CSMD1: variants seen among roughly 807,000 people sequenced by gnomAD.
CSMD1 encodes CUB and sushi domain-containing protein 1.
In CSMD1, 213 loss-of-function variants were observed where a neutral mutation model predicts 417.5. That is an observed-to-expected ratio of 0.51 (90% CI 0.46 to 0.57). The LOEUF is 0.57. Ranked by LOEUF, CSMD1 falls within the 20% of genes least tolerant of loss-of-function variation. The pLI is 0.00. For synonymous variants in CSMD1, 2,862 were observed against 1,736.8 expected (o/e 1.65, Z -16.11); for missense variants, 6,923 against 4,529.7 (o/e 1.53, Z -15.17).
intron 1 of CSMD1, among the ~76,000 whole-genome samples, chr8:4,711,553 C>G (rs183795974): frequency 1.1e-4 from 16 of 150,654 alleles, no homozygotes; most frequent in Admixed American, 6.6e-4. Flanking sequence ...AGGTTTTCAA[C>G]AAAGGACAGA....
chr8:4,042,430 T>C (rs1797938049), intron 3 of CSMD1, among the ~76,000 whole-genome samples: 1 of 151,956 alleles, frequency 6.6e-6, no homozygotes, highest in African/African-American at 2.4e-5. Context: ...CAACCATCAA[T>C]CTAAATAAAT....
At chr8:3,663,489 C>A (rs890840313) in intron 7 of CSMD1, among the ~76,000 whole-genome samples, 2 of 152,020 alleles carry the variant, frequency 1.3e-5, no homozygotes, top group African/African-American at 4.8e-5. Context: ...GGAAAATGAA[C>A]CTCAGGGCCC....
intron 3 of CSMD1, among the ~76,000 whole-genome samples, chr8:4,272,391 A>G (rs1804659526): frequency 6.6e-6 from 1 of 152,188 alleles, no homozygotes; most frequent in African/African-American, 2.4e-5. Flanking sequence ...CTCAGTTTCC[A>G]AGACCTATAG....
intron 5 of CSMD1, among the ~76,000 whole-genome samples, chr8:3,980,230 G>A (rs143368383): frequency 1.3e-5 from 2 of 152,234 alleles, no homozygotes; most frequent in Non-Finnish European, 2.9e-5. Context: ...TCAACCATTG[G>A]CATAGATGGG....
chr8:3,096,808 G>T (rs1815337800), intron 47 of CSMD1, 41 bp downstream of exon 47: 1 of 1,241,362 alleles, frequency 8.1e-7, no homozygotes, highest in Non-Finnish European at 1.1e-6. Context: ...TTTTATCAAT[G>T]ATGCCGAGGT....
intron 5 of CSMD1, among the ~76,000 whole-genome samples, chr8:3,924,478 G>T (rs1231269209): frequency 6.6e-6 from 1 of 152,052 alleles, no homozygotes; most frequent in Non-Finnish European, 1.5e-5. Flanking sequence ...TTTCTTCTGA[G>T]ACTTCTATGA....
chr8:4,029,718 C>T (rs1472700670), intron 4 of CSMD1, among the ~76,000 whole-genome samples: 1 of 152,146 alleles, frequency 6.6e-6, no homozygotes, highest in African/African-American at 2.4e-5. Flanking sequence ...AACAGTCCCC[C>T]AAAGTCTTAA....
intron 54 of CSMD1, among the ~76,000 whole-genome samples, chr8:2,983,625 G>C (rs568560468): frequency 1.3e-5 from 2 of 152,124 alleles, no homozygotes; most frequent in African/African-American, 2.4e-5. Flanking sequence ...TCCAAAATTT[G>C]GCAAAAAATT....
At chr8:3,786,334 G>C (rs975509903) in intron 5 of CSMD1, among the ~76,000 whole-genome samples, 1 of 152,040 alleles carries the variant, frequency 6.6e-6, no homozygotes, top group Non-Finnish European at 1.5e-5. Context: ...TTGGATGGAG[G>C]GTCACTGAGA....
chr8:4,358,732 C>G lies in CSMD1; in HGVS notation c.415+61221G>C, dbSNP rs76902021. Among the ~76,000 whole-genome samples, 968 of 149,878 alleles carry G rather than the reference C, an allele frequency of 6.5e-3. 11 individuals are homozygous for G. The highest frequency in any genetic ancestry group is 0.022 in the African/African-American group (908 of 41,416). On this transcript the variant is annotated intron_variant, in intron 3 of 69. Coordinates refer to ENST00000635120, the MANE Select transcript of CSMD1 (RefSeq NM_033225.6). Reference sequence around the variant, plus strand: ...GTAGCTTAATCATTAAAATATCTCTCAAGATAAGTGTATATGATTTCAAAA... The same window carrying G: ...GTAGCTTAATCATTAAAATATCTCTGAAGATAAGTGTATATGATTTCAAAA...
chr8:4,136,750 G>A (rs1217584169), intron 3 of CSMD1, among the ~76,000 whole-genome samples: 1 of 152,170 alleles, frequency 6.6e-6, no homozygotes, highest in Non-Finnish European at 1.5e-5. Flanking sequence ...AGGTGTGCAT[G>A]TGAATTATTT....
rs535502833 is a variant in CSMD1, at chr8:3,445,263, GGAA to G, written c.1561+23446_1561+23448del. On this transcript the variant is annotated intron_variant, in intron 12 of 69. Transcript: ENST00000635120. ...GTTACGTTCTCTGGGTTTCACTGGTGGAAGAAGAAGTTATAATTTTGGGGACGT... is the reference window on the plus strand; with the variant it reads ...GTTACGTTCTCTGGGTTTCACTGGTGGAAGAAGTTATAATTTTGGGGACGT... Among the ~76,000 whole-genome samples, 1,403 of 152,262 alleles carry G rather than the reference GGAA, an allele frequency of 9.2e-3. 14 individuals carry two copies. The highest frequency in any genetic ancestry group is 0.015 in the Non-Finnish European group (997 of 68,000).
chr8:3,361,651 CAA>C (rs765648287), intron 20 of CSMD1, among the ~76,000 whole-genome samples: 6,081 of 78,942 alleles, frequency 0.077, 56 homozygotes, highest in Middle Eastern at 0.17. Flanking sequence ...GATTCCATCT[CAA>C]AAAAAAAAAA....
Position 3,350,167 on chromosome 8 carries a change from T to C in CSMD1, c.3305-2006A>G, listed in dbSNP as rs938718943. On this transcript the variant is annotated intron_variant, in intron 21 of 69. Transcript: ENST00000635120. Reference sequence around the variant, plus strand: ...TAATAACTTGTGTATGTGTGTGTTATAATACCTATAATAACCTATAACTTG... The same window carrying C: ...TAATAACTTGTGTATGTGTGTGTTACAATACCTATAATAACCTATAACTTG... 5.5e-5 allele frequency among the ~76,000 whole-genome samples: 7 copies of C among 128,316 alleles called. 1 individual carries two copies. The highest frequency in any genetic ancestry group is 1.8e-4 in the African/African-American group (6 of 33,198). The allele number at this position is 128,316 out of a possible 152,430, so 84.2% of individuals were successfully genotyped here.
At chr8:3,736,889 T>C (rs1178826362) in intron 6 of CSMD1, among the ~76,000 whole-genome samples, 1 of 152,166 alleles carries the variant, frequency 6.6e-6, no homozygotes, top group Admixed American at 6.5e-5. Flanking sequence ...ATGTAGAAGG[T>C]GCTGTGTGCA....
At chr8:3,039,910 TA>T (rs934156230) in intron 50 of CSMD1, among the ~76,000 whole-genome samples, 4 of 152,180 alleles carry the variant, frequency 2.6e-5, no homozygotes, top group African/African-American at 9.7e-5. Flanking sequence ...GTTCCTCTTC[TA>T]AAAATTAATC....
intron 5 of CSMD1, among the ~76,000 whole-genome samples, chr8:3,907,886 G>A (rs1808215976): frequency 6.6e-6 from 1 of 152,174 alleles, no homozygotes; most frequent in Admixed American, 6.5e-5. Flanking sequence ...CTCTTCTTGA[G>A]AATATTTCAG....
intron 1 of CSMD1, among the ~76,000 whole-genome samples, chr8:4,824,469 T>A (rs1585163307): frequency 1.3e-5 from 2 of 152,286 alleles, no homozygotes; most frequent in African/African-American, 2.4e-5. Flanking sequence ...CTATTTTTCT[T>A]GTTTAAAGAA....
chr8:4,801,572 A>G (rs1329344965), intron 1 of CSMD1, among the ~76,000 whole-genome samples: 1 of 152,082 alleles, frequency 6.6e-6, no homozygotes, highest in African/African-American at 2.4e-5. Context: ...ACTCTTTTGC[A>G]TATCTCAATC....
Sources: allele counts gnomAD v4.1 joint callset (sites outside exome capture counted in the v4.1 genomes callset), GRCh38; gene constraint gnomAD v4.1.1; transcripts MANE v1.5; gene names NCBI Gene and HGNC (gene_info 2026-07-23, HGNC 2026-07-21).